COPB2: variants seen among roughly 807,000 people sequenced by gnomAD.
COPB2 encodes the protein coatomer subunit beta'.
COPB2 carries 16 observed loss-of-function variants against 120.8 expected under a neutral mutation model. That is an observed-to-expected ratio of 0.13 (90% confidence interval 0.09 to 0.20). The LOEUF (loss-of-function observed/expected upper bound fraction) is 0.20. COPB2 is among the 10% of genes least tolerant of loss of function. The pLI is 1.00. For synonymous variants in COPB2, 332 were observed against 366.3 expected (o/e 0.91, Z 1.07); for missense variants, 794 against 1,076.5 (o/e 0.74, Z 3.67).
intron 1 of COPB2, among the ~76,000 whole-genome samples, chr3:139,386,488 C>G (rs1047397692): frequency 7.9e-5 from 12 of 152,122 alleles, no homozygotes; most frequent in Non-Finnish European, 1.5e-4. Flanking sequence ...CTCTCCTGAC[C>G]TTGTGATCCA....
Position 139,357,413 on chromosome 3 carries a change from A to AATT in COPB2, c.*447_*449dup. ...TGAGGTCAAGAAAAAGGGTTTAGAGAATTACAGCCTGGATATTCAGCTCTA... is the reference window on the plus strand; with the variant it reads ...TGAGGTCAAGAAAAAGGGTTTAGAGAATTATTACAGCCTGGATATTCAGCTCTA... On this transcript the variant is annotated 3_prime_UTR_variant, in exon 22 of 22. Coordinates refer to ENST00000333188, the MANE Select transcript of COPB2 (RefSeq NM_004766.3). 1 of 190,660 alleles carries AATT rather than the reference A, an allele frequency of 5.2e-6. No homozygotes were observed. Among genetic ancestry groups the AATT allele is most frequent in the East Asian group, 1.4e-4 (1 of 7,188 alleles). The allele number at this position is 190,660 out of a possible 1,614,324, so 11.8% of individuals were successfully genotyped here.
chr3:139,369,318 G>A lies in COPB2; in HGVS notation c.1344C>T (p.Ala448=). The A allele has an allele frequency of 1.9e-6, 3 of 1,613,718 alleles. No individual in the cohort carries two copies. Among genetic ancestry groups the A allele is most frequent in the Non-Finnish European group, 2.5e-6 (3 of 1,179,784 alleles). Residue 448 remains alanine (A), a synonymous_variant, in exon 12 of 22, where the codon GCC becomes GCT. Coordinates refer to ENST00000333188, the MANE Select transcript of COPB2 (RefSeq NM_004766.3). The stretch of plus-strand genomic sequence containing the variant: ...GTTCTGTATTGTCCCAGTCATAGAA[G>A]GCTAAGCCATTTACAGATCTGACTC... ...LLGVRSVNGL[A]FYDWDNTELI...
chr3:139,367,909 T>C (rs1440882258), intron 13 of COPB2, among the ~76,000 whole-genome samples: 1 of 152,216 alleles, frequency 6.6e-6, no homozygotes, highest in East Asian at 1.9e-4. Context: ...CTGAAAGATA[T>C]CAAAGTAAGT....
chr3:139,360,320 T>C (rs111669522), intron 17 of COPB2, among the ~76,000 whole-genome samples: 1 of 151,816 alleles, frequency 6.6e-6, no homozygotes, highest in South Asian at 2.1e-4. Flanking sequence ...GGTCAGGAGT[T>C]TGAGACCAGC....
At chr3:139,387,044 CAAA>C (rs538025993) in intron 1 of COPB2, among the ~76,000 whole-genome samples, 1 of 121,314 alleles carries the variant, frequency 8.2e-6, no homozygotes, top group Non-Finnish European at 1.7e-5. Context: ...ACTAAAAATA[CAAA>C]AAAAAAAAAA....
At chr3:139,361,381 T>C (rs1941416494) in intron 16 of COPB2, 86 bp from the exon 17 acceptor site, 1 of 1,333,112 alleles carries the variant, frequency 7.5e-7, no homozygotes, top group East Asian at 2.4e-5. Context: ...GTGCAGACAA[T>C]GTTTATAAAA....
At chr3:139,369,949 C>G (rs1941591011) in intron 10 of COPB2, among the ~76,000 whole-genome samples, 1 of 152,166 alleles carries the variant, frequency 6.6e-6, no homozygotes, top group Admixed American at 6.5e-5. Context: ...ATGCTGGACT[C>G]AAGAGTACAT....
intron 6 of COPB2, 23 bp from the exon 7 acceptor site, chr3:139,374,611 A>C: frequency 6.3e-7 from 1 of 1,594,176 alleles, no homozygotes; most frequent in Non-Finnish European, 8.6e-7. Context: ...CATAGAAAAC[A>C]TGTTTTATTA....
At chr3:139,381,127 G>C (rs1941803991) in intron 2 of COPB2, 1 of 152,170 alleles carries the variant, frequency 6.6e-6, no homozygotes, top group African/African-American at 2.4e-5. Context: ...ACAATCCTGT[G>C]ATGTAGGCAA....
At chr3:139,361,058 T>G (rs1324764626) in intron 17 of COPB2, 23 bp downstream of exon 17, 2 of 1,611,798 alleles carry the variant, frequency 1.2e-6, no homozygotes, top group Non-Finnish European at 1.7e-6. Context: ...TAGAATTAAT[T>G]AATCTTTTAA....
intron 15 of COPB2, among the ~76,000 whole-genome samples, chr3:139,364,700 G>C (rs1941484307): frequency 6.6e-6 from 1 of 152,162 alleles, no homozygotes; most frequent in Non-Finnish European, 1.5e-5. Flanking sequence ...AAATTCATTG[G>C]CTAAAGATAC....
At chr3:139,371,287 A>T (rs918205454) in intron 10 of COPB2, among the ~76,000 whole-genome samples, 3 of 152,208 alleles carry the variant, frequency 2.0e-5, no homozygotes, top group African/African-American at 7.2e-5. Flanking sequence ...AGATTTAATA[A>T]ATTTCTCATC....
At chr3:139,362,606 T>C in intron 15 of COPB2, 89 bp from the exon 16 acceptor site, 1 of 593,306 alleles carries the variant, frequency 1.7e-6, no homozygotes, top group South Asian at 5.1e-5. Context: ...ACATATACAG[T>C]GTACACACAT....
Position 139,389,593 on chromosome 3 carries a change from C to T in COPB2, c.-43G>A, listed in dbSNP as rs756997584. 6 of 1,554,086 alleles carry T rather than the reference C, an allele frequency of 3.9e-6. No homozygotes were observed. The highest frequency in any genetic ancestry group is 4.7e-5 in the East Asian group (2 of 42,194). ...CCCGGGAACCCTCGTTTGTTACCGG[C>T]TACTCAGGCCTTGAGATAAACCCAC... is the stretch of plus-strand genomic sequence containing the variant. On this transcript the variant is annotated 5_prime_UTR_variant, in exon 1 of 22. Coordinates refer to ENST00000333188, the MANE Select transcript of COPB2 (RefSeq NM_004766.3).
chr3:139,358,515 A>C, intron 20 of COPB2: 1 of 598,640 alleles, frequency 1.7e-6, no homozygotes, highest in Non-Finnish European at 3.0e-6. Flanking sequence ...TGTCTCTAAT[A>C]AAAATACAAA....
rs1354879072 is a variant in COPB2 at position 139,374,112 on chromosome 3, T to C, written c.752-304A>G. 6.8e-6 allele frequency: 3 copies of C among 442,068 alleles called. No homozygotes were observed. In the East Asian group the frequency reaches 1.3e-4, roughly 18 times the overall value. The allele number at this position is 442,068 out of a possible 1,614,324, so 27.4% of individuals were successfully genotyped here. A position where few individuals can be genotyped will look rare whatever the true frequency, so the allele number is the denominator to read the frequency against. ...TACCCACAATTTCTTCTCACTATAA[T>C]TTTATGAAGCAGATATATATGTTTC... is the stretch of plus-strand genomic sequence containing the variant. On this transcript the variant is annotated intron_variant, in intron 7 of 21. Coordinates refer to ENST00000333188, the MANE Select transcript of COPB2 (RefSeq NM_004766.3).
intron 16 of COPB2, 120 bp from the exon 17 acceptor site, chr3:139,361,415 T>C: frequency 1.0e-6 from 1 of 966,904 alleles, no homozygotes; most frequent in East Asian, 2.6e-5. Flanking sequence ...TTAAGTTGGC[T>C]CTATCAAAAT....
intron 13 of COPB2, 141 bp from the exon 14 acceptor site, chr3:139,367,286 C>A: frequency 9.3e-7 from 1 of 1,069,918 alleles, no homozygotes; most frequent in Non-Finnish European, 1.3e-6. Context: ...AAAAAATTTT[C>A]CTTGGAATTT....
intron 13 of COPB2, 144 bp from the exon 14 acceptor site, chr3:139,367,289 T>C: frequency 2.0e-6 from 2 of 1,021,200 alleles, no homozygotes; most frequent in Non-Finnish European, 2.7e-6. Flanking sequence ...AAATTTTCCT[T>C]GGAATTTTTT....
Sources: allele counts gnomAD v4.1 joint callset (sites outside exome capture counted in the v4.1 genomes callset), GRCh38; gene constraint gnomAD v4.1.1; transcripts MANE v1.5; gene names NCBI Gene and HGNC (gene_info 2026-07-23, HGNC 2026-07-21).